The following CDK6 variants were observed in gnomAD, a reference collection of about 807,000 sequenced individuals.
CDK6 encodes cyclin-dependent kinase 6.
CDK6 carries 6 observed loss-of-function variants against 37.1 expected under a neutral mutation model. The observed-to-expected ratio is 0.16, with a 90% CI of 0.09 to 0.32. CDK6 has a LOEUF of 0.32. Ranked by LOEUF, CDK6 falls within the 10% of genes least tolerant of loss-of-function variation. The pLI is 1.00. For missense variants in CDK6, 224 were observed against 418.9 expected (o/e 0.53, Z 4.06); for synonymous variants, 160 against 161.3 (o/e 0.99, Z 0.06).
intron 5 of CDK6, among the ~76,000 whole-genome samples, chr7:92,653,797 G>C: frequency 6.6e-6 from 1 of 152,006 alleles, no homozygotes; most frequent in South Asian, 2.1e-4. Flanking sequence ...TTTAGAGACA[G>C]GGTCTCACCG....
chr7:92,678,971 T>C (rs2116619430), intron 4 of CDK6, among the ~76,000 whole-genome samples: 1 of 152,336 alleles, frequency 6.6e-6, no homozygotes, highest in Non-Finnish European at 1.5e-5. Context: ...CTACTTGCTT[T>C]CTTCCTCCTG....
intron 2 of CDK6, among the ~76,000 whole-genome samples, chr7:92,792,125 A>T (rs1800300288): frequency 6.6e-6 from 1 of 152,204 alleles, no homozygotes; most frequent in Non-Finnish European, 1.5e-5. Context: ...GCAAAAGCCC[A>T]GGTAAAAAAT....
chr7:92,836,559 A>G lies in CDK6; in HGVS notation c.-449T>C, dbSNP rs1014732911. ...TCCGCACGTGTCCGCGGCCTCGCGG[A>G]GCAGGTAATCAGACTCTGGGGAAGG... On this transcript the variant is annotated 5_prime_UTR_variant, in exon 1 of 8. Transcript: ENST00000424848. 1 of 151,792 alleles carries G rather than the reference A, an allele frequency of 6.6e-6. No homozygotes were observed. The highest frequency in any genetic ancestry group is 2.4e-5 in the African/African-American group (1 of 41,324). The allele number at this position is 151,792 out of a possible 1,614,324, so 9.4% of individuals were successfully genotyped here.
At chr7:92,791,820 A>G (rs555664079) in intron 2 of CDK6, among the ~76,000 whole-genome samples, 38 of 152,270 alleles carry the variant, frequency 2.5e-4, no homozygotes, top group Middle Eastern at 6.8e-3. Flanking sequence ...GTAGGTACAC[A>G]GAAAAATTCA....
chr7:92,681,944 A>G (rs1403284350), intron 4 of CDK6, among the ~76,000 whole-genome samples: 1 of 152,052 alleles, frequency 6.6e-6, no homozygotes, highest in East Asian at 1.9e-4. Context: ...CTCAAATTCA[A>G]AATGCATGCA....
chr7:92,803,521 C>T (rs1800643502), intron 2 of CDK6, among the ~76,000 whole-genome samples: 1 of 152,174 alleles, frequency 6.6e-6, no homozygotes, highest in African/African-American at 2.4e-5. Flanking sequence ...TTGGAGAGAG[C>T]AAGCAGGCTC....
intron 4 of CDK6, among the ~76,000 whole-genome samples, chr7:92,717,340 A>G (rs1190966461): frequency 1.4e-5 from 2 of 145,708 alleles, no homozygotes; most frequent in African/African-American, 5.0e-5. Flanking sequence ...AGACCTGGTC[A>G]AGGAAAGGAA....
rs149010943 is a variant in CDK6, at chr7:92,773,118, C to G, written c.369+1578G>C. 1.6e-4 allele frequency among the ~76,000 whole-genome samples: 25 copies of G among 152,128 alleles called. 1 individual carries two copies. In the East Asian group the frequency reaches 2.5e-3, roughly 15 times the overall value. ...ACAATGTGTCTTATTTACTTTGTAC[C>G]TATGTGTATAAATCATTGTGTAAGA... On this transcript the variant is annotated intron_variant, in intron 3 of 7. Transcript: ENST00000424848.
chr7:92,752,630 A>C (rs1799213980), intron 3 of CDK6, among the ~76,000 whole-genome samples: 1 of 152,220 alleles, frequency 6.6e-6, no homozygotes, highest in Non-Finnish European at 1.5e-5. Flanking sequence ...CCATTTTATA[A>C]AATACAGTCA....
chr7:92,679,686 G>A (rs1391456508), intron 4 of CDK6, among the ~76,000 whole-genome samples: 1 of 151,914 alleles, frequency 6.6e-6, no homozygotes, highest in Non-Finnish European at 1.5e-5. Context: ...CAAAACTAGT[G>A]ATAATTTCAC....
At chr7:92,737,773 G>C (rs1449455920) in intron 3 of CDK6, among the ~76,000 whole-genome samples, 1 of 152,172 alleles carries the variant, frequency 6.6e-6, no homozygotes, top group Non-Finnish European at 1.5e-5. Flanking sequence ...CAGAGAGGGG[G>C]AGAGGAGCAA....
At position 92,833,361 on chromosome 7, in the gene CDK6, G is replaced by C; in HGVS notation, c.-38C>G. ...CCGCCCGCCGCGGCGCCGCTGGGGC[G>C]GGCGGGGGGTGCGCTCAACTAGCTG... is the stretch of plus-strand genomic sequence containing the variant. On this transcript the variant is annotated 5_prime_UTR_variant, in exon 2 of 8. Transcript: ENST00000424848. This position sits in a 1 kb window ranked among gnomAD's most constrained non-coding sequence, Gnocchi z 6.1. The C allele has an allele frequency of 6.8e-7, 1 of 1,461,902 alleles. No homozygotes were observed. Among genetic ancestry groups the C allele is most frequent in the Non-Finnish European group, 9.2e-7 (1 of 1,084,740 alleles). 90.6% of individuals were successfully genotyped at this position (1,461,902 alleles called of 1,614,324 possible).
intron 3 of CDK6, among the ~76,000 whole-genome samples, chr7:92,752,196 G>C (rs1390887778): frequency 2.0e-5 from 3 of 152,114 alleles, no homozygotes; most frequent in Admixed American, 1.3e-4. Flanking sequence ...GCTTTGAGAA[G>C]TTTCCCTCAG....
intron 5 of CDK6, among the ~76,000 whole-genome samples, chr7:92,662,319 T>G (rs1796857413): frequency 6.6e-6 from 1 of 150,884 alleles, no homozygotes. Context: ...GGGTTGGGGG[T>G]GTGGAAGTAG....
At chr7:92,633,534 T>C (rs923776855) in intron 5 of CDK6, among the ~76,000 whole-genome samples, 1 of 152,070 alleles carries the variant, frequency 6.6e-6, no homozygotes, top group Non-Finnish European at 1.5e-5. Context: ...CAAAGGAAAG[T>C]TGGTGTTTGA....
intron 3 of CDK6, among the ~76,000 whole-genome samples, chr7:92,732,588 G>A (rs978311778): frequency 6.6e-5 from 10 of 151,784 alleles, no homozygotes; most frequent in African/African-American, 2.2e-4. Flanking sequence ...GAGTAGAACA[G>A]ATAATTATTT....
intron 5 of CDK6, among the ~76,000 whole-genome samples, chr7:92,654,442 T>C (rs188303197): frequency 1.3e-5 from 2 of 152,324 alleles, no homozygotes; most frequent in East Asian, 3.9e-4. Context: ...TTGTAGTCAA[T>C]GCAATGTAGA....
rs1801549747 is a variant in CDK6, at chr7:92,833,440, TG to T, written c.-118del. 4.3e-6 allele frequency: 3 copies of T among 694,658 alleles called. No individual in the cohort carries two copies. The South Asian group carries it at 6.0e-5, about 14-fold the overall frequency. The allele number at this position is 694,658 out of a possible 1,614,324, so 43.0% of individuals were successfully genotyped here. ...CCCCGGAGATCGGTCTAGCTTTACT[TG>T]CTCCCCGCCGGCTCAGGCGCTCGGG... On this transcript the variant is annotated 5_prime_UTR_variant, in exon 2 of 8. Transcript: ENST00000424848. The surrounding 1 kb of genome is among the most constrained non-coding windows in gnomAD (Gnocchi z 6.1).
At chr7:92,714,292 T>A (rs1018936801) in intron 4 of CDK6, among the ~76,000 whole-genome samples, 2 of 152,172 alleles carry the variant, frequency 1.3e-5, no homozygotes, top group African/African-American at 2.4e-5. Context: ...GCAGAGAGAA[T>A]GTTTAGTGAC....
Sources: gnomAD v4.1 joint callset for allele counts (sites outside exome capture counted in the v4.1 genomes callset) on GRCh38, gnomAD v4.1.1 for gene constraint, Gnocchi (gnomAD v3.1) non-coding constraint, MANE v1.5 for transcripts, NCBI Gene and HGNC (gene_info 2026-07-23, HGNC 2026-07-21) for gene names.